Variants in CFTR observed in about 807,000 individuals in gnomAD.
CFTR encodes cystic fibrosis transmembrane conductance regulator.
In CFTR, 181 loss-of-function variants were observed where a neutral mutation model predicts 171.6. The observed-to-expected ratio is 1.05, with a 90% CI of 0.93 to 1.19. The LOEUF (loss-of-function observed/expected upper bound fraction) is 1.19. Ranked by LOEUF, CFTR falls within the 50% of genes most tolerant of loss-of-function variation. The pLI, the probability that CFTR is intolerant of heterozygous loss-of-function variation, is 0.00. For synonymous variants in CFTR, 583 were observed against 608.0 expected (o/e 0.96, Z 0.60); for missense variants, 1,968 against 1,734.7 (o/e 1.13, Z -2.39).
Position 117,610,389 on chromosome 7 carries a change from AAAAAAT to A in CFTR, c.2989-124_2989-119del. Reference sequence around the variant, plus strand: ...TACCCTAAAACTTAAAGTATAATAAAAAAAATAAAAAAAAGTTTGAGGTGTTTAAAG... The same window carrying A: ...TACCCTAAAACTTAAAGTATAATAAAAAAAAAAAGTTTGAGGTGTTTAAAG... On this transcript the variant is annotated intron_variant, in intron 18 of 26. Coordinates refer to ENST00000003084, the MANE Select transcript of CFTR (RefSeq NM_000492.4). 5 of 770,738 alleles carry A rather than the reference AAAAAAT, an allele frequency of 6.5e-6. No homozygotes were observed. In the East Asian group the frequency reaches 1.4e-4, roughly 21 times the overall value. The allele number at this position is 770,738 out of a possible 1,614,324, so 47.7% of individuals were successfully genotyped here. A position where few individuals can be genotyped will look rare whatever the true frequency, so the allele number is the denominator to read the frequency against.
At chr7:117,568,503 T>C (rs867811628) in intron 11 of CFTR, among the ~76,000 whole-genome samples, 35 of 152,132 alleles carry the variant, frequency 2.3e-4, no homozygotes, top group Middle Eastern at 6.3e-3. Context: ...ATTGAATGGA[T>C]GGACTTGGTC....
chr7:117,652,720 A>G (rs1793105929), intron 23 of CFTR, 122 bp from the exon 24 acceptor site: 1 of 603,526 alleles, frequency 1.7e-6, no homozygotes, highest in Non-Finnish European at 3.0e-6. Context: ...GATGGTAAGT[A>G]CATGGGTGTT....
intron 11 of CFTR, among the ~76,000 whole-genome samples, chr7:117,569,746 GA>G (rs1263003317): frequency 6.6e-6 from 1 of 152,156 alleles, no homozygotes; most frequent in African/African-American, 2.4e-5. Flanking sequence ...AGAGTAGGAT[GA>G]AAACAGGTAA....
At chr7:117,481,061 A>G (rs1797994090) in intron 1 of CFTR, among the ~76,000 whole-genome samples, 1 of 152,230 alleles carries the variant, frequency 6.6e-6, no homozygotes, top group Non-Finnish European at 1.5e-5. Context: ...TGAGGTATCA[A>G]AAAAGTCAAA....
chr7:117,520,143 G>T (rs1190132966), intron 3 of CFTR, among the ~76,000 whole-genome samples: 3 of 151,476 alleles, frequency 2.0e-5, no homozygotes, highest in Non-Finnish European at 4.4e-5. Context: ...TTCTTTTTGT[G>T]TGTGTGAATT....
At position 117,652,909 on chromosome 7, in the gene CFTR, A is replaced by G; in HGVS notation, c.3941A>G (p.Glu1314Gly). The change falls in exon 24 of 27, where the codon GAA becomes GGA. Residue 1314 changes from glutamate to glycine, a missense_variant. Coordinates refer to ENST00000003084, the MANE Select transcript of CFTR (RefSeq NM_000492.4). ...CCCTATGAACAGTGGAGTGATCAAG[A>G]AATATGGAAAGTTGCAGATGAGGTA... ...LDPYEQWSDQ[E>G]IWKVADEVGL... 6.2e-7 allele frequency: 1 copy of G among 1,605,502 alleles called. No individual in the cohort carries two copies. Among genetic ancestry groups the G allele is most frequent in the Non-Finnish European group, 8.5e-7 (1 of 1,173,244 alleles).
rs140400433 is a variant in CFTR, at chr7:117,498,814, T to C, written c.54-5439T>C. Among the ~76,000 whole-genome samples, 20 of 151,962 alleles carry C rather than the reference T, an allele frequency of 1.3e-4. No homozygotes were observed. The East Asian group carries it at 2.9e-3, about 22-fold the overall frequency. On this transcript the variant is annotated intron_variant, in intron 1 of 26. Transcript: ENST00000003084. The stretch of plus-strand genomic sequence containing the variant: ...TCTTTCCTCTGCCTGTCTTCAACAT[T>C]TGTTTTTTTTTTTTTTTGGTTAGGA...
intron 8 of CFTR, among the ~76,000 whole-genome samples, chr7:117,540,778 G>T (rs946585190): frequency 1.3e-5 from 2 of 151,066 alleles, no homozygotes; most frequent in Non-Finnish European, 3.0e-5. Flanking sequence ...TGAGAGAGAA[G>T]GGTGAGCCAC....
chr7:117,504,592 CAAAAT>C (rs1179600305), intron 2 of CFTR, among the ~76,000 whole-genome samples: 1 of 151,628 alleles, frequency 6.6e-6, no homozygotes, highest in Non-Finnish European at 1.5e-5. Context: ...TATCTCTACA[CAAAAT>C]AAAAAAGTTA....
intron 11 of CFTR, among the ~76,000 whole-genome samples, chr7:117,585,009 T>G (rs1396334000): frequency 6.6e-6 from 1 of 151,994 alleles, no homozygotes; most frequent in Non-Finnish European, 1.5e-5. Flanking sequence ...TCAGCTTGGT[T>G]GTTGTCAGCA....
intron 1 of CFTR, 59 bp downstream of exon 1, chr7:117,480,206 G>GT: frequency 6.6e-7 from 1 of 1,516,416 alleles, no homozygotes; most frequent in South Asian, 1.1e-5. Context: ...AGGAGGGCGT[G>GT]TGTATGGGTT....
At chr7:117,532,502 C>T (rs958809675) in intron 4 of CFTR, among the ~76,000 whole-genome samples, 2 of 152,130 alleles carry the variant, frequency 1.3e-5, no homozygotes, top group Non-Finnish European at 1.5e-5. Context: ...AGGTAAATCA[C>T]GATCTCTAAA....
chr7:117,517,595 T>C (rs916242001), intron 3 of CFTR, among the ~76,000 whole-genome samples: 3 of 152,190 alleles, frequency 2.0e-5, no homozygotes, highest in Non-Finnish European at 4.4e-5. Context: ...CTGGGTCAAA[T>C]GGTATTTCTG....
At position 117,541,952 on chromosome 7, in the gene CFTR, G is replaced by C; in HGVS notation, c.1117-64G>C. On this transcript the variant is annotated intron_variant, in intron 8 of 26. Transcript: ENST00000003084. ...TGTAGCACAATGAGAGTATAAAGTA[G>C]ATGTAATAATGCATTAATGCTATTC... is the stretch of plus-strand genomic sequence containing the variant. The C allele has an allele frequency of 1.3e-6, 1 of 746,710 alleles. No homozygotes were observed. The highest frequency in any genetic ancestry group is 2.6e-5 in the East Asian group (1 of 37,962). The allele number at this position is 746,710 out of a possible 1,614,324, so 46.3% of individuals were successfully genotyped here. A position where few individuals can be genotyped will look rare whatever the true frequency, so the allele number is the denominator to read the frequency against.
intron 12 of CFTR, among the ~76,000 whole-genome samples, chr7:117,588,733 C>A (rs1429306305): frequency 6.6e-6 from 1 of 152,076 alleles, no homozygotes; most frequent in African/African-American, 2.4e-5. Flanking sequence ...GAATTGTTCT[C>A]CCTGCTTTAC....
intron 1 of CFTR, among the ~76,000 whole-genome samples, chr7:117,501,791 A>C (rs1798336453): frequency 6.6e-6 from 1 of 151,024 alleles, no homozygotes; most frequent in South Asian, 2.1e-4. Context: ...AAAAAAAAAA[A>C]ACAAAAAGCA....
chr7:117,665,639 CTGCAAATTGCAACAATGTACAAGTTCTT>C, intron 26 of CFTR, 75 bp downstream of exon 26: 2 of 927,704 alleles, frequency 2.2e-6, no homozygotes, highest in Non-Finnish European at 3.6e-6. Context: ...GTGATAGTTC[CTGCAAATTGCAACAATGTACAAGTTCTT>C]TTCAAAAATA....
At position 117,501,606 on chromosome 7, in the gene CFTR, G is replaced by T. The variant is rs557442179; in HGVS notation, c.54-2647G>T. 2.4e-3 allele frequency among the ~76,000 whole-genome samples: 364 copies of T among 150,888 alleles called. 1 individual carries two copies. Among genetic ancestry groups the T allele is most frequent in the Non-Finnish European group, 3.5e-3 (234 of 67,686 alleles). On this transcript the variant is annotated intron_variant, in intron 1 of 26. Coordinates refer to ENST00000003084, the MANE Select transcript of CFTR (RefSeq NM_000492.4). ...ACTAAAAATATAAAAAAATAGCCGGGCATGGTGGTGCATGCCTGTAATCCC... is the reference window on the plus strand; with the variant it reads ...ACTAAAAATATAAAAAAATAGCCGGTCATGGTGGTGCATGCCTGTAATCCC...
At chr7:117,614,514 A>T in intron 20 of CFTR, 99 bp from the exon 21 acceptor site, 1 of 803,270 alleles carries the variant, frequency 1.2e-6, no homozygotes, top group Non-Finnish European at 2.2e-6. Flanking sequence ...TTGAAATGTA[A>T]ATTTAATGTG....
Sources: gnomAD v4.1 joint callset for allele counts (sites outside exome capture counted in the v4.1 genomes callset) on GRCh38, gnomAD v4.1.1 for gene constraint, MANE v1.5 for transcripts, NCBI Gene and HGNC (gene_info 2026-07-23, HGNC 2026-07-21) for gene names.